The following DTNB variants were observed in gnomAD, a reference collection of about 807,000 sequenced individuals.
The protein encoded by DTNB is dystrobrevin beta.
DTNB carries 63 observed loss-of-function variants against 90.7 expected under a neutral mutation model. The observed-to-expected ratio is 0.69, with a 90% CI of 0.57 to 0.86. The LOEUF (loss-of-function observed/expected upper bound fraction) is 0.86. Among genes scored for constraint, DTNB ranks in the 40% least tolerant of loss-of-function variants. The pLI, the probability that DTNB is intolerant of heterozygous loss-of-function variation, is 0.00. For synonymous variants in DTNB, 277 were observed against 286.7 expected, an observed-to-expected ratio of 0.97 and a Z score of 0.34; for missense variants, 744 against 807.1, an observed-to-expected ratio of 0.92 and a Z score of 0.95.
chr2:25,457,561 T>C (rs2060238919), intron 10 of DTNB, among the ~76,000 whole-genome samples: 1 of 152,196 alleles, frequency 6.6e-6, no homozygotes, highest in Non-Finnish European at 1.5e-5. Flanking sequence ...CTGGCTTGCA[T>C]TGCTTTTAAT....
intron 9 of DTNB, among the ~76,000 whole-genome samples, chr2:25,522,845 G>C (rs2076395842): frequency 6.6e-6 from 1 of 151,250 alleles, no homozygotes; most frequent in Non-Finnish European, 1.5e-5. Context: ...GGATTACAGG[G>C]GCCTACCACG....
intron 4 of DTNB, among the ~76,000 whole-genome samples, chr2:25,614,006 T>A (rs888570219): frequency 7.9e-5 from 12 of 152,082 alleles, no homozygotes; most frequent in Admixed American, 7.2e-4. Flanking sequence ...GGGAGCTTTA[T>A]CCCAAGAATA....
At chr2:25,453,044 A>T (rs998340923) in intron 11 of DTNB, among the ~76,000 whole-genome samples, 1 of 148,742 alleles carries the variant, frequency 6.7e-6, no homozygotes, top group Non-Finnish European at 1.5e-5. Context: ...CTTTTAAATT[A>T]AAAAAAAAAC....
intron 3 of DTNB, among the ~76,000 whole-genome samples, chr2:25,629,619 G>A (rs558327570): frequency 7.6e-4 from 115 of 152,156 alleles, no homozygotes; most frequent in Non-Finnish European, 1.3e-3. Context: ...AACTTTATTC[G>A]TAACAGGAAA....
intron 8 of DTNB, among the ~76,000 whole-genome samples, chr2:25,546,130 G>A (rs932239874): frequency 6.6e-6 from 1 of 152,160 alleles, no homozygotes; most frequent in African/African-American, 2.4e-5. Flanking sequence ...AATAGACTGT[G>A]ACTTGCATCA....
At chr2:25,496,864 A>C (rs1350475779) in intron 9 of DTNB, among the ~76,000 whole-genome samples, 3 of 152,110 alleles carry the variant, frequency 2.0e-5, no homozygotes, top group African/African-American at 4.8e-5. Flanking sequence ...AAAAAAGATA[A>C]TAGTGGGCTG....
intron 9 of DTNB, among the ~76,000 whole-genome samples, chr2:25,523,666 T>G (rs2076560167): frequency 1.3e-5 from 2 of 150,800 alleles, no homozygotes. Context: ...AAAGAACTGC[T>G]ACTCATATGT....
chr2:25,521,790 T>C (rs2076181503), intron 9 of DTNB, among the ~76,000 whole-genome samples: 1 of 152,266 alleles, frequency 6.6e-6, no homozygotes, highest in Admixed American at 6.5e-5. Context: ...AAGGTCTTGT[T>C]AGATCATGAG....
chr2:25,426,500 T>C (rs2149877893), intron 15 of DTNB: 1 of 152,404 alleles, frequency 6.6e-6, no homozygotes, highest in East Asian at 1.9e-4. Context: ...CCCTCAGACA[T>C]GTGAGCTCCC....
chr2:25,480,080 G>C (rs1215247931), intron 10 of DTNB, among the ~76,000 whole-genome samples: 1 of 152,280 alleles, frequency 6.6e-6, no homozygotes, highest in South Asian at 2.1e-4. Context: ...TTGATTACTG[G>C]GGCCATGAAA....
chr2:25,389,773 G>A (rs143407829), intron 16 of DTNB, among the ~76,000 whole-genome samples: 19 of 152,108 alleles, frequency 1.2e-4, no homozygotes, highest in East Asian at 7.7e-4. Flanking sequence ...ACACCCCACC[G>A]CAGTGCTTCA....
chr2:25,598,733 G>A (rs764491724), intron 5 of DTNB: 3 of 152,180 alleles, frequency 2.0e-5, no homozygotes, highest in Non-Finnish European at 2.9e-5. Flanking sequence ...GTTGAGGATA[G>A]GGACTGGGGG....
intron 1 of DTNB, among the ~76,000 whole-genome samples, chr2:25,667,527 A>T (rs575802240): frequency 6.6e-6 from 1 of 152,284 alleles, no homozygotes; most frequent in East Asian, 1.9e-4. Flanking sequence ...AAACACATGA[A>T]GAGATACACT....
intron 1 of DTNB, among the ~76,000 whole-genome samples, chr2:25,659,720 T>A (rs1244576237): frequency 3.3e-5 from 5 of 152,002 alleles, no homozygotes; most frequent in African/African-American, 1.2e-4. Flanking sequence ...ATAACCAGAA[T>A]AACCCTATAA....
intron 16 of DTNB, among the ~76,000 whole-genome samples, chr2:25,405,223 T>G (rs369555642): frequency 6.6e-6 from 1 of 152,166 alleles, no homozygotes; most frequent in Non-Finnish European, 1.5e-5. Flanking sequence ...CTACCATGCC[T>G]GGCCCGACTA....
intron 5 of DTNB, among the ~76,000 whole-genome samples, chr2:25,601,845 G>C (rs1321771026): frequency 6.6e-6 from 1 of 152,130 alleles, no homozygotes; most frequent in East Asian, 1.9e-4. Flanking sequence ...CCACTGGCGG[G>C]GTGCGGTGGC....
At chr2:25,645,357 C>CAA (rs70947900) in intron 2 of DTNB, among the ~76,000 whole-genome samples, 4 of 99,058 alleles carry the variant, frequency 4.0e-5, no homozygotes, top group African/African-American at 9.0e-5. Context: ...GACTCCATCA[C>CAA]AAAAAAAAAA....
At chr2:25,577,513 A>G (rs79153111) in intron 7 of DTNB, among the ~76,000 whole-genome samples, 25 of 144,606 alleles carry the variant, frequency 1.7e-4, no homozygotes, top group African/African-American at 5.6e-4. Context: ...CATTTACTAG[A>G]AAAAAAAAAA....
intron 3 of DTNB, among the ~76,000 whole-genome samples, chr2:25,633,032 G>A (rs143428687): frequency 4.0e-4 from 61 of 152,294 alleles, no homozygotes; most frequent in Middle Eastern, 3.4e-3. Flanking sequence ...ACAAAACTAT[G>A]TACATAGAAA....
Sources: allele counts gnomAD v4.1 joint callset (sites outside exome capture counted in the v4.1 genomes callset), GRCh38; gene constraint gnomAD v4.1.1; transcripts MANE v1.5; gene names NCBI Gene and HGNC (gene_info 2026-07-23, HGNC 2026-07-21).